The following GLDN variants were observed in gnomAD, a reference collection of about 807,000 sequenced individuals.
GLDN encodes the protein gliomedin, also known as collomin.
GLDN carries 47 observed loss-of-function variants against 56.5 expected under a neutral mutation model. That is an observed-to-expected ratio of 0.83 (90% CI 0.66 to 1.06). GLDN has a LOEUF of 1.06. GLDN is among the 50% of genes least tolerant of loss of function. The probability of loss-of-function intolerance (pLI) is 0.00; values close to 1 mark genes in which losing one functional copy is unlikely to be tolerated. For missense variants in GLDN, 782 were observed against 714.3 expected, an observed-to-expected ratio of 1.09 and a Z score of -1.08; for synonymous variants, 332 against 278.8, an observed-to-expected ratio of 1.19 and a Z score of -1.90.
intron 4 of GLDN, among the ~76,000 whole-genome samples, chr15:51,386,580 G>A (rs2037898454): frequency 6.6e-6 from 1 of 152,224 alleles, no homozygotes; most frequent in Non-Finnish European, 1.5e-5. Context: ...GACAGTGATG[G>A]GATCAGATCT....
At chr15:51,365,944 C>A (rs557950684) in intron 1 of GLDN, among the ~76,000 whole-genome samples, 1 of 152,102 alleles carries the variant, frequency 6.6e-6, no homozygotes, top group Non-Finnish European at 1.5e-5. Context: ...AGAGCCTGTC[C>A]CCTTTAAGAA....
At chr15:51,396,799 C>A (rs2459396) in intron 5 of GLDN, among the ~76,000 whole-genome samples, 89,904 of 151,994 alleles carry the variant, frequency 0.59, 26,987 homozygotes, top group Non-Finnish European at 0.65. Flanking sequence ...CACTGTGCTT[C>A]GACCCACGTA....
chr15:51,410,072 C>G (rs796985130), downstream of GLDN, among the ~76,000 whole-genome samples: 16 of 152,306 alleles, frequency 1.1e-4, no homozygotes, highest in African/African-American at 3.8e-4. Flanking sequence ...GACAGCCCTT[C>G]CTGGCCCAGT....
chr15:51,346,798 G>A (rs183127302), intron 1 of GLDN, among the ~76,000 whole-genome samples: 10 of 152,290 alleles, frequency 6.6e-5, no homozygotes, highest in South Asian at 4.1e-4. Flanking sequence ...GGGTGTGGTC[G>A]CTCACGCCTG....
Position 51,394,910 on chromosome 15 carries a change from A to T in GLDN, c.617A>T (p.Asn206Ile). 1.2e-6 allele frequency: 2 copies of T among 1,613,140 alleles called. No individual in the cohort carries two copies. The highest frequency in any genetic ancestry group is 8.5e-7 in the Non-Finnish European group (1 of 1,179,462). ...CATGGTGAACTGGGCCTGCAGGGAA[A>T]TGAGGGCCCACCAGGGCAGAAGGGA... Reference protein sequence around the residue: ...GDHGELGLQGNEGPPGQKGEK... With the variant: ...GDHGELGLQGIEGPPGQKGEK... Residue 206 changes from asparagine (N) to isoleucine (I), a missense_variant, in exon 5 of 10, where the codon AAT (asparagine) becomes ATT (isoleucine). Transcript: ENST00000335449.
At chr15:51,392,958 T>A (rs377495699) in intron 4 of GLDN, among the ~76,000 whole-genome samples, 2 of 152,208 alleles carry the variant, frequency 1.3e-5, no homozygotes, top group Non-Finnish European at 2.9e-5. Flanking sequence ...TCCAGTAGAA[T>A]GTTAAATAAA....
At chr15:51,389,613 G>A (rs1432193357) in intron 4 of GLDN, among the ~76,000 whole-genome samples, 1 of 152,202 alleles carries the variant, frequency 6.6e-6, no homozygotes, top group Non-Finnish European at 1.5e-5. Flanking sequence ...AGAGAAGAGT[G>A]ATCAGCACTT....
At chr15:51,355,525 CTTT>C (rs147021073) in intron 1 of GLDN, among the ~76,000 whole-genome samples, 8 of 126,422 alleles carry the variant, frequency 6.3e-5, no homozygotes, top group Admixed American at 1.6e-4. Flanking sequence ...TTCTTTCTTT[CTTT>C]TTTTTTTTTT....
intron 4 of GLDN, among the ~76,000 whole-genome samples, chr15:51,394,481 C>T (rs1250836996): frequency 6.6e-6 from 1 of 152,126 alleles, no homozygotes; most frequent in African/African-American, 2.4e-5. Context: ...GGTGTGGTGG[C>T]TCACGCCTAT....
intron 1 of GLDN, among the ~76,000 whole-genome samples, chr15:51,356,063 C>T (rs201339501): frequency 6.7e-4 from 101 of 151,500 alleles, no homozygotes; most frequent in South Asian, 3.6e-3. Flanking sequence ...AAAGATTAGC[C>T]GGGCGTGGTG....
At position 51,405,140 on chromosome 15, in the gene GLDN, A is replaced by G. The variant is rs1206872570; in HGVS notation, c.*386A>G. ...TAGCTTTTTTAGCCACATGCTGACC[A>G]AATTTACCTTTGAGTTGATAAGTCC... On this transcript the variant is annotated 3_prime_UTR_variant, in exon 10 of 10. Coordinates refer to ENST00000335449, the MANE Select transcript of GLDN (RefSeq NM_181789.4). The G allele has an allele frequency of 4.9e-6, 1 of 205,964 alleles. No individual in the cohort carries two copies. The highest frequency in any genetic ancestry group is 9.9e-6 in the Non-Finnish European group (1 of 101,440). 12.8% of individuals were successfully genotyped at this position (205,964 alleles called of 1,614,324 possible).
At chr15:51,412,870 C>T (rs991108570), downstream of GLDN, among the ~76,000 whole-genome samples, 4 of 152,028 alleles carry the variant, frequency 2.6e-5, no homozygotes, top group Non-Finnish European at 4.4e-5. Context: ...GATATAGTTG[C>T]AACAGAAACT....
chr15:51,346,842 C>G (rs2446424), intron 1 of GLDN, among the ~76,000 whole-genome samples: 85,986 of 152,078 alleles, frequency 0.57, 27,031 homozygotes, highest in African/African-American at 0.85. Flanking sequence ...GAGGCAGGTG[C>G]ATAACCTGAG....
chr15:51,345,704 T>G (rs1219716650), intron 1 of GLDN, among the ~76,000 whole-genome samples: 4 of 152,212 alleles, frequency 2.6e-5, no homozygotes, highest in South Asian at 2.1e-4. Flanking sequence ...AAGACAGGGA[T>G]GCCCACTATC....
At chr15:51,410,885 G>A (rs1402760132), downstream of GLDN, among the ~76,000 whole-genome samples, 1 of 152,140 alleles carries the variant, frequency 6.6e-6, no homozygotes, top group Non-Finnish European at 1.5e-5. Context: ...ACTGAAATGG[G>A]GCTTTGGTGC....
chr15:51,383,687 C>G (rs2037819899), intron 3 of GLDN, 98 bp from the exon 4 acceptor site: 1 of 1,025,942 alleles, frequency 9.7e-7, no homozygotes. Flanking sequence ...GGAATTGATG[C>G]CTGCTCAGTT....
chr15:51,383,305 G>A (rs1028495358), intron 2 of GLDN, 131 bp from the exon 3 acceptor site: 8 of 946,972 alleles, frequency 8.4e-6, no homozygotes, highest in Admixed American at 2.1e-5. Context: ...CAAATATAAC[G>A]AGTTCTAAAT....
chr15:51,404,827 G>GT lies in GLDN; in HGVS notation c.*80dup, dbSNP rs2038341151. 5 of 773,806 alleles carry GT rather than the reference G, an allele frequency of 6.5e-6. No homozygotes were observed. The highest frequency in any genetic ancestry group is 4.6e-5 in the Admixed American group (2 of 43,478). The allele number at this position is 773,806 out of a possible 1,614,324, so 47.9% of individuals were successfully genotyped here. Reference sequence around the variant, plus strand: ...CCAGTTCTCCCCCAACAGGAAACTTGTTTTTTTAACGTCAGCCAGATATTT... The same window carrying GT: ...CCAGTTCTCCCCCAACAGGAAACTTGTTTTTTTTAACGTCAGCCAGATATTT... On this transcript the variant is annotated 3_prime_UTR_variant, in exon 10 of 10. Coordinates refer to ENST00000335449, the MANE Select transcript of GLDN (RefSeq NM_181789.4).
At chr15:51,404,197 G>C (rs907244998) in intron 9 of GLDN, 80 bp from the exon 10 acceptor site, 34 of 1,138,664 alleles carry the variant, frequency 3.0e-5, no homozygotes, top group Non-Finnish European at 3.9e-5. Context: ...CACTAACTCA[G>C]TTTAATAGAG....
Sources: allele counts gnomAD v4.1 joint callset (sites outside exome capture counted in the v4.1 genomes callset), GRCh38; gene constraint gnomAD v4.1.1; transcripts MANE v1.5; gene names NCBI Gene and HGNC (gene_info 2026-07-23, HGNC 2026-07-21).